KIRREL1: variants seen among roughly 807,000 people sequenced by gnomAD.
KIRREL1 encodes the protein kirre like nephrin family adhesion molecule 1, also known as kin of IRRE-like protein 1.
In KIRREL1, 25 loss-of-function variants were observed where a neutral mutation model predicts 83.3. That is an observed-to-expected ratio of 0.30 (90% CI 0.22 to 0.42). KIRREL1 has a LOEUF of 0.42. Among genes scored for constraint, KIRREL1 ranks in the 10% least tolerant of loss-of-function variants. KIRREL1 has a pLI of 1.00. For missense variants in KIRREL1, 812 were observed against 1,032.3 expected (o/e 0.79, Z 2.92); for synonymous variants, 388 against 410.4 (o/e 0.95, Z 0.66).
intron 11 of KIRREL1, among the ~76,000 whole-genome samples, chr1:158,092,225 A>T (rs989100161): frequency 2.6e-5 from 4 of 152,172 alleles, no homozygotes; most frequent in Admixed American, 2.0e-4. Flanking sequence ...TTTGGAAGCT[A>T]CCAAGTCCAA....
chr1:158,027,279 G>A (rs80085467), intron 1 of KIRREL1, among the ~76,000 whole-genome samples: 2 of 152,228 alleles, frequency 1.3e-5, no homozygotes, highest in Admixed American at 1.3e-4. Context: ...ACAGAGCAAG[G>A]CACGTGGGAA....
At chr1:158,074,153 C>T (rs747803834) in intron 1 of KIRREL1, among the ~76,000 whole-genome samples, 22 of 152,192 alleles carry the variant, frequency 1.4e-4, no homozygotes, top group Non-Finnish European at 3.1e-4. Flanking sequence ...GCACCTGCCA[C>T]CCTGATCACT....
chr1:157,994,425 G>T (rs1659134247), intron 1 of KIRREL1, among the ~76,000 whole-genome samples: 1 of 151,844 alleles, frequency 6.6e-6, no homozygotes, highest in East Asian at 1.9e-4. Context: ...GAGGCGGTGG[G>T]GGGAGGGGGC....
intron 1 of KIRREL1, among the ~76,000 whole-genome samples, chr1:158,032,839 C>T (rs958618228): frequency 1.3e-5 from 2 of 151,638 alleles, no homozygotes; most frequent in Non-Finnish European, 2.9e-5. Context: ...GGCACAATCT[C>T]GGCTCACTGC....
At chr1:158,070,539 C>T (rs1661482521) in intron 1 of KIRREL1, among the ~76,000 whole-genome samples, 1 of 152,128 alleles carries the variant, frequency 6.6e-6, no homozygotes, top group Non-Finnish European at 1.5e-5. Context: ...TCCAGGGGCT[C>T]CCAAGAGTGT....
chr1:158,099,755 T>TG lies in KIRREL1; in HGVS notation c.*4638dup, dbSNP rs777473296. The TG allele has an allele frequency of 6.6e-6, 1 of 152,228 alleles. No individual in the cohort carries two copies. Among genetic ancestry groups the TG allele is most frequent in the Non-Finnish European group, 1.5e-5 (1 of 68,064 alleles). The allele number at this position is 152,228 out of a possible 1,614,324, so 9.4% of individuals were successfully genotyped here. The stretch of plus-strand genomic sequence containing the variant: ...AACCACTGGCCTTGTTGAGTATCGA[T>TG]GGGCCCTGAGCTCTTCTGTTTGCTT... On this transcript the variant is annotated 3_prime_UTR_variant, in exon 15 of 15. Coordinates refer to ENST00000359209, the MANE Select transcript of KIRREL1 (RefSeq NM_018240.7).
intron 1 of KIRREL1, among the ~76,000 whole-genome samples, chr1:158,059,974 T>C (rs1661167590): frequency 6.6e-6 from 1 of 152,152 alleles, no homozygotes; most frequent in Non-Finnish European, 1.5e-5. Flanking sequence ...GGAATACGTT[T>C]AGATTATATG....
intron 1 of KIRREL1, among the ~76,000 whole-genome samples, chr1:158,023,846 G>A (rs1266323020): frequency 6.6e-6 from 1 of 152,234 alleles, no homozygotes; most frequent in Admixed American, 6.5e-5. Flanking sequence ...TTAAGTTATT[G>A]TGCTGCGAAA....
rs75652000 is a variant in KIRREL1, at chr1:158,019,444, A to T, written c.52+25716A>T. Among the ~76,000 whole-genome samples the T allele has an allele frequency of 1.3e-4, 20 of 152,234 alleles. No individual in the cohort carries two copies. The East Asian group carries it at 3.7e-3, about 28-fold the overall frequency. On this transcript the variant is annotated intron_variant, in intron 1 of 14. Transcript: ENST00000359209. Reference sequence around the variant, plus strand: ...GAAAGGATTTGGAGCATTTTGGCAGATACTCTTTGGGTGATTGAGAGGGGG... The same window carrying T: ...GAAAGGATTTGGAGCATTTTGGCAGTTACTCTTTGGGTGATTGAGAGGGGG...
intron 1 of KIRREL1, among the ~76,000 whole-genome samples, chr1:158,012,972 C>A (rs971162661): frequency 1.3e-5 from 2 of 152,194 alleles, no homozygotes; most frequent in African/African-American, 4.8e-5. Context: ...AGTAGCACCC[C>A]AGTCTCCAGG....
intron 1 of KIRREL1, among the ~76,000 whole-genome samples, chr1:158,026,872 C>A (rs1190452895): frequency 2.0e-5 from 3 of 152,274 alleles, no homozygotes; most frequent in African/African-American, 4.8e-5. Flanking sequence ...TGCACCCCCC[C>A]ACCCCCTACA....
chr1:158,097,301 T>C lies in KIRREL1; in HGVS notation c.*2181T>C. 1 of 317,612 alleles carries C rather than the reference T, an allele frequency of 3.1e-6. No homozygotes were observed. The highest frequency in any genetic ancestry group is 2.8e-5 in the South Asian group (1 of 35,834). 19.7% of individuals were successfully genotyped at this position (317,612 alleles called of 1,614,324 possible). On this transcript the variant is annotated 3_prime_UTR_variant, in exon 15 of 15. Coordinates refer to ENST00000359209, the MANE Select transcript of KIRREL1 (RefSeq NM_018240.7). ...AATCCAAAGACTTGAAGTCTAAAGA[T>C]GGTGGCTTTTAAAACATGCATATTC...
In KIRREL1 at chr1:158,076,269, G is replaced by T; in HGVS notation, c.202+7G>T. 6.2e-7 allele frequency: 1 copy of T among 1,613,006 alleles called. No homozygotes were observed. Among genetic ancestry groups the T allele is most frequent in the Non-Finnish European group, 8.5e-7 (1 of 1,179,182 alleles). ...ATGGGCCAGGGCCTCAAAGGTGAGTGCCTGGCTACCCAACGTCCAAACTGT... is the reference window on the plus strand; with the variant it reads ...ATGGGCCAGGGCCTCAAAGGTGAGTTCCTGGCTACCCAACGTCCAAACTGT... On this transcript the variant is annotated splice_region_variant and intron_variant, in intron 2 of 14. Coordinates refer to ENST00000359209, the MANE Select transcript of KIRREL1 (RefSeq NM_018240.7).
chr1:158,003,368 A>G (rs1659421959), intron 1 of KIRREL1, among the ~76,000 whole-genome samples: 1 of 152,012 alleles, frequency 6.6e-6, no homozygotes, highest in Non-Finnish European at 1.5e-5. Flanking sequence ...TTTCATCTCT[A>G]CTCCTGAGTC....
chr1:158,094,596 C>A lies in KIRREL1; in HGVS notation c.1798-48C>A. The A allele has an allele frequency of 6.8e-7, 1 of 1,478,424 alleles. No homozygotes were observed. Among genetic ancestry groups the A allele is most frequent in the Non-Finnish European group, 9.3e-7 (1 of 1,078,592 alleles). 91.6% of individuals were successfully genotyped at this position (1,478,424 alleles called of 1,614,324 possible). On this transcript the variant is annotated intron_variant, in intron 14 of 14. Coordinates refer to ENST00000359209, the MANE Select transcript of KIRREL1 (RefSeq NM_018240.7). The surrounding 1 kb of genome is among the most constrained non-coding windows in gnomAD (Gnocchi z 4.6). ...GAAAGCCATGGTGAGACTTGATCCCCACCCAAGAGGGAACACTGCCTCCAT... is the reference window on the plus strand; with the variant it reads ...GAAAGCCATGGTGAGACTTGATCCCAACCCAAGAGGGAACACTGCCTCCAT...
intron 1 of KIRREL1, among the ~76,000 whole-genome samples, chr1:158,027,123 G>A (rs1462753314): frequency 1.3e-5 from 2 of 152,182 alleles, no homozygotes; most frequent in Non-Finnish European, 2.9e-5. Flanking sequence ...TTTTACCTGC[G>A]CTTCTGACTG....
At chr1:158,026,526 G>T (rs180866354) in intron 1 of KIRREL1, among the ~76,000 whole-genome samples, 168 of 152,264 alleles carry the variant, frequency 1.1e-3, no homozygotes, top group African/African-American at 3.8e-3. Flanking sequence ...TTTGAAGGGA[G>T]ACATACTTGG....
chr1:158,014,680 T>TGGGGG (rs5778063), intron 1 of KIRREL1, among the ~76,000 whole-genome samples: 10 of 91,790 alleles, frequency 1.1e-4, no homozygotes, highest in South Asian at 5.7e-4. Context: ...ATAGTCTTTA[T>TGGGGG]GGGGGGGGGG....
intron 1 of KIRREL1, among the ~76,000 whole-genome samples, chr1:158,056,898 A>AACAGGG (rs979081240): frequency 2.6e-5 from 4 of 152,016 alleles, no homozygotes; most frequent in Admixed American, 1.3e-4. Flanking sequence ...CTCCTTCTAA[A>AACAGGG]ACAGGGAAGG....
Sources: allele counts gnomAD v4.1 joint callset (sites outside exome capture counted in the v4.1 genomes callset), GRCh38; gene constraint gnomAD v4.1.1; non-coding constraint Gnocchi (gnomAD v3.1); transcripts MANE v1.5; gene names NCBI Gene and HGNC (gene_info 2026-07-23, HGNC 2026-07-21).